RAB3B: variants seen among roughly 807,000 people sequenced by gnomAD.
RAB3B encodes ras-related protein Rab-3B.
RAB3B carries 11 observed loss-of-function variants against 20.5 expected under a neutral mutation model. The observed-to-expected ratio is 0.54, with a 90% CI of 0.34 to 0.89. The LOEUF (loss-of-function observed/expected upper bound fraction) is 0.89. RAB3B is among the 40% of genes least tolerant of loss of function. The pLI, the probability that RAB3B is intolerant of heterozygous loss-of-function variation, is 0.02. For missense variants in RAB3B, 225 were observed against 280.9 expected (o/e 0.80, Z 1.42); for synonymous variants, 99 against 106.3 (o/e 0.93, Z 0.42).
chr1:51,969,901 C>T (rs1180536006), intron 2 of RAB3B, among the ~76,000 whole-genome samples: 1 of 151,884 alleles, frequency 6.6e-6, no homozygotes, highest in Non-Finnish European at 1.5e-5. Flanking sequence ...TCAGTCTCTA[C>T]AAGAAATACA....
intron 2 of RAB3B, among the ~76,000 whole-genome samples, chr1:51,965,345 T>C (rs1173023929): frequency 6.6e-6 from 1 of 152,194 alleles, no homozygotes; most frequent in Non-Finnish European, 1.5e-5. Flanking sequence ...CACTGAACTA[T>C]ACTGTTTAAA....
At chr1:51,940,316 T>C (rs755668106) in intron 2 of RAB3B, among the ~76,000 whole-genome samples, 1 of 152,062 alleles carries the variant, frequency 6.6e-6, no homozygotes, top group Non-Finnish European at 1.5e-5. Flanking sequence ...CAGCACCAGA[T>C]AAGTGGTATA....
intron 2 of RAB3B, among the ~76,000 whole-genome samples, chr1:51,965,039 G>T (rs1475003779): frequency 6.6e-6 from 1 of 152,088 alleles, no homozygotes; most frequent in Non-Finnish European, 1.5e-5. Flanking sequence ...TTCAAGACCA[G>T]CCTGGCCAAC....
Position 51,938,968 on chromosome 1 carries a change from T to G in RAB3B, c.229-1556A>C, listed in dbSNP as rs12097248. ...GAACCACTGTGCCCAGACTTCTTCA[T>G]GTATTTTTATTATCTCTACAATGAG... On this transcript the variant is annotated intron_variant, in intron 2 of 4. Coordinates refer to ENST00000371655, the MANE Select transcript of RAB3B (RefSeq NM_002867.4). 3.5e-3 allele frequency among the ~76,000 whole-genome samples: 536 copies of G among 152,340 alleles called. 2 individuals are homozygous for G. Among genetic ancestry groups the G allele is most frequent in the African/African-American group, 0.012 (510 of 41,574 alleles).
Position 51,909,861 on chromosome 1 carries a change from GGATTAGATTTGCCT to G in RAB3B, c.*10052_*10065del. 7.8e-6 allele frequency: 1 copy of G among 128,792 alleles called. No individual in the cohort carries two copies. The highest frequency in any genetic ancestry group is 1.6e-5 in the Non-Finnish European group (1 of 62,066). 8.0% of individuals were successfully genotyped at this position (128,792 alleles called of 1,614,324 possible). ...TTCTCAGTCCCCTTACAAAGATCCT[GGATTAGATTTGCCT>G]GCCTAGCTCTGCCTGATTGGGATTA... On this transcript the variant is annotated 3_prime_UTR_variant, in exon 5 of 5. Transcript: ENST00000371655.
chr1:51,955,438 C>T (rs1334280533), intron 2 of RAB3B, among the ~76,000 whole-genome samples: 2 of 152,018 alleles, frequency 1.3e-5, no homozygotes, highest in African/African-American at 4.8e-5. Context: ...GTCTCCCAGG[C>T]TGGAGTGCAG....
intron 1 of RAB3B, among the ~76,000 whole-genome samples, chr1:51,983,856 A>G (rs1685118309): frequency 1.3e-5 from 2 of 151,968 alleles, no homozygotes; most frequent in Non-Finnish European, 2.9e-5. Context: ...GCTAGTCAGG[A>G]GGCTGAAGCA....
intron 1 of RAB3B, among the ~76,000 whole-genome samples, chr1:51,989,561 C>G (rs543502200): frequency 6.6e-6 from 1 of 151,668 alleles, no homozygotes; most frequent in South Asian, 2.1e-4. Context: ...CCAGGCTGAC[C>G]CAGCGCCCCA....
intron 1 of RAB3B, among the ~76,000 whole-genome samples, chr1:51,986,409 C>T (rs1026721686): frequency 1.3e-5 from 2 of 152,006 alleles, no homozygotes; most frequent in Non-Finnish European, 2.9e-5. Context: ...CTCGGCCTCC[C>T]AAAGTGCTGG....
intron 2 of RAB3B, among the ~76,000 whole-genome samples, chr1:51,943,905 T>C (rs931390125): frequency 3.3e-5 from 5 of 152,220 alleles, no homozygotes; most frequent in African/African-American, 1.2e-4. Context: ...CAAATGCTGA[T>C]GTAGAAGCTG....
At chr1:51,922,923 C>T (rs929618515) in intron 4 of RAB3B, among the ~76,000 whole-genome samples, 14 of 152,098 alleles carry the variant, frequency 9.2e-5, no homozygotes, top group Non-Finnish European at 1.2e-4. Context: ...TCTGGAACTC[C>T]CAACCTCAGG....
intron 3 of RAB3B, among the ~76,000 whole-genome samples, chr1:51,936,691 T>G (rs1487088447): frequency 6.6e-6 from 1 of 152,196 alleles, no homozygotes; most frequent in East Asian, 1.9e-4. Context: ...GCAGCATATG[T>G]GTCAGCAACT....
At chr1:51,937,444 A>G (rs767334559) in intron 2 of RAB3B, 32 bp from the exon 3 acceptor site, 1 of 1,472,432 alleles carries the variant, frequency 6.8e-7, no homozygotes, top group Non-Finnish European at 9.2e-7. Flanking sequence ...ACAATCTCTT[A>G]GAAAGTCTGC....
intron 2 of RAB3B, among the ~76,000 whole-genome samples, chr1:51,958,249 C>T (rs1222689833): frequency 6.6e-6 from 1 of 152,140 alleles, no homozygotes; most frequent in Non-Finnish European, 1.5e-5. Context: ...CATTCAGGGC[C>T]CACTTAGTCC....
At chr1:51,934,508 A>G (rs1201821108) in intron 3 of RAB3B, among the ~76,000 whole-genome samples, 1 of 152,172 alleles carries the variant, frequency 6.6e-6, no homozygotes, top group Non-Finnish European at 1.5e-5. Flanking sequence ...GCGCTGGCCC[A>G]CGCCTGTAAT....
At chr1:51,977,905 G>A (rs1010032015) in intron 1 of RAB3B, among the ~76,000 whole-genome samples, 2 of 152,162 alleles carry the variant, frequency 1.3e-5, no homozygotes, top group African/African-American at 4.8e-5. Flanking sequence ...TAACCAAAGA[G>A]GCAATTCTCT....
intron 2 of RAB3B, among the ~76,000 whole-genome samples, chr1:51,952,472 C>A (rs1039779867): frequency 2.0e-5 from 3 of 152,044 alleles, no homozygotes; most frequent in Non-Finnish European, 4.4e-5. Flanking sequence ...TGTGGCATAT[C>A]TTAGGTATTC....
chr1:51,982,687 A>G (rs1290849605), intron 1 of RAB3B, among the ~76,000 whole-genome samples: 1 of 152,010 alleles, frequency 6.6e-6, no homozygotes, highest in African/African-American at 2.4e-5. Context: ...CGGGAGGTGG[A>G]GGTTGCAGTG....
chr1:51,955,983 A>G (rs1684702015), intron 2 of RAB3B, among the ~76,000 whole-genome samples: 1 of 152,184 alleles, frequency 6.6e-6, no homozygotes, highest in Non-Finnish European at 1.5e-5. Flanking sequence ...ATGCCTTGAA[A>G]TTTATTTACA....
Sources: allele counts gnomAD v4.1 joint callset (sites outside exome capture counted in the v4.1 genomes callset), GRCh38; gene constraint gnomAD v4.1.1; transcripts MANE v1.5; gene names NCBI Gene and HGNC (gene_info 2026-07-23, HGNC 2026-07-21).